Variants in ARHGEF28 observed in about 807,000 individuals in gnomAD.
ARHGEF28 encodes Rho guanine nucleotide exchange factor 28.
ARHGEF28 carries 152 observed loss-of-function variants against 206.6 expected under a neutral mutation model. The ratio of observed to expected loss-of-function variants is 0.74; its 90% CI spans 0.64 to 0.84. The LOEUF is 0.84. ARHGEF28 is among the 40% of genes least tolerant of loss of function. The pLI is 0.00. For synonymous variants in ARHGEF28, 763 were observed against 776.4 expected (o/e 0.98, Z 0.29); for missense variants, 2,028 against 2,073.2 (o/e 0.98, Z 0.42).
At chr5:73,782,432 C>G (rs1008534630) in intron 7 of ARHGEF28, among the ~76,000 whole-genome samples, 3 of 152,022 alleles carry the variant, frequency 2.0e-5, no homozygotes, top group Middle Eastern at 3.4e-3. Context: ...AGTGAGACTC[C>G]ATCTCAAAAA....
At chr5:73,917,839 T>C (rs1321787049) in intron 35 of ARHGEF28, among the ~76,000 whole-genome samples, 2 of 152,126 alleles carry the variant, frequency 1.3e-5, no homozygotes, top group Non-Finnish European at 2.9e-5. Context: ...CACACACACA[T>C]GGTCTATGGG....
intron 1 of ARHGEF28, among the ~76,000 whole-genome samples, chr5:73,680,508 A>G (rs1478145625): frequency 6.9e-6 from 1 of 144,560 alleles, no homozygotes; most frequent in Non-Finnish European, 1.5e-5. Flanking sequence ...ACTTAAAATG[A>G]TGGGTTTTGG....
intron 9 of ARHGEF28, among the ~76,000 whole-genome samples, chr5:73,806,258 A>G (rs1371003328): frequency 1.4e-5 from 2 of 138,928 alleles, no homozygotes; most frequent in African/African-American, 5.4e-5. Flanking sequence ...ATATCGATAT[A>G]TAGTATATAT....
At chr5:73,813,592 G>A in intron 9 of ARHGEF28, 1 of 1,535,710 alleles carries the variant, frequency 6.5e-7, no homozygotes, top group Non-Finnish European at 8.7e-7. Flanking sequence ...CAAAAAGATG[G>A]ATTCTGACTC....
At chr5:73,819,426 A>G (rs1221787488) in intron 9 of ARHGEF28, among the ~76,000 whole-genome samples, 1 of 152,218 alleles carries the variant, frequency 6.6e-6, no homozygotes, top group Non-Finnish European at 1.5e-5. Flanking sequence ...TGCCTGGGTC[A>G]CAATGATTGG....
intron 2 of ARHGEF28, among the ~76,000 whole-genome samples, chr5:73,714,551 A>G (rs1446122638): frequency 6.6e-6 from 1 of 152,180 alleles, no homozygotes; most frequent in Non-Finnish European, 1.5e-5. Flanking sequence ...TTCTGAGGAC[A>G]TCCTGTGTTT....
At chr5:73,701,734 TTTTA>T (rs1748617393) in intron 2 of ARHGEF28, among the ~76,000 whole-genome samples, 1 of 152,202 alleles carries the variant, frequency 6.6e-6, no homozygotes, top group Non-Finnish European at 1.5e-5. Context: ...GGGACTGCCT[TTTTA>T]ATCACTCAGC....
At chr5:73,664,788 A>G (rs577506767) in intron 1 of ARHGEF28, among the ~76,000 whole-genome samples, 17 of 152,304 alleles carry the variant, frequency 1.1e-4, no homozygotes, top group East Asian at 5.8e-4. Context: ...CAGATCAAAA[A>G]TCTTTCTTTC....
chr5:73,670,214 G>A lies in ARHGEF28; in HGVS notation c.-11-14627G>A, dbSNP rs565027771. Among the ~76,000 whole-genome samples the A allele has an allele frequency of 7.6e-4, 116 of 152,046 alleles. 1 individual carries two copies. The highest frequency in any genetic ancestry group is 2.4e-3 in the African/African-American group (100 of 41,472). Reference sequence around the variant, plus strand: ...TGTCTTCCGTATCTATAAATTTTTCGTTTAAAAATATTATATATATGGAAT... The same window carrying A: ...TGTCTTCCGTATCTATAAATTTTTCATTTAAAAATATTATATATATGGAAT... On this transcript the variant is annotated intron_variant, in intron 1 of 35. Coordinates refer to ENST00000513042, the MANE Select transcript of ARHGEF28 (RefSeq NM_001177693.2).
intron 11 of ARHGEF28, among the ~76,000 whole-genome samples, chr5:73,845,529 A>G (rs1758280134): frequency 6.6e-6 from 1 of 152,050 alleles, no homozygotes; most frequent in African/African-American, 2.4e-5. Context: ...GTCACATGCA[A>G]ATCCCCCCCA....
At chr5:73,920,672 T>A (rs898354293) in intron 35 of ARHGEF28, among the ~76,000 whole-genome samples, 9 of 148,118 alleles carry the variant, frequency 6.1e-5, no homozygotes, top group Non-Finnish European at 1.4e-4. Flanking sequence ...GCCTCAGCCG[T>A]CATCTAGGTT....
rs761118015 is a variant in ARHGEF28 at position 73,882,575 on chromosome 5, A to T, written c.2918A>T (p.Lys973Met). 6.7e-7 allele frequency: 1 copy of T among 1,500,204 alleles called. No individual in the cohort carries two copies. Among genetic ancestry groups the T allele is most frequent in the African/African-American group, 1.4e-5 (1 of 70,416 alleles). 92.9% of individuals were successfully genotyped at this position (1,500,204 alleles called of 1,614,324 possible). Residue 973 changes from lysine to methionine, a missense_variant, in exon 23 of 36, where the codon AAG becomes ATG. Lys to Met is a moderately conservative substitution (Grantham distance 95, BLOSUM62 -1). This residue lies in a region of ARHGEF28 where 223 missense variants were observed against 289.9 expected (regional missense o/e 0.77). Coordinates refer to ENST00000513042, the MANE Select transcript of ARHGEF28 (RefSeq NM_001177693.2). Reference protein sequence around the residue: ...NLFKELQQNKKFQNFIKLRNS... With the variant: ...NLFKELQQNKMFQNFIKLRNS... ...TTTAAAGAACTCCAGCAGAATAAAA[A>T]GTTTCAGAATTTTATTAAGGCAAGT...
chr5:73,828,489 C>T (rs929338017), intron 9 of ARHGEF28, among the ~76,000 whole-genome samples: 1 of 151,920 alleles, frequency 6.6e-6, no homozygotes, highest in African/African-American at 2.4e-5. Flanking sequence ...GGATTATGCT[C>T]TTGCACACCT....
chr5:73,872,434 C>G lies in ARHGEF28; in HGVS notation c.2567-565C>G, dbSNP rs146513035. ...TACAAATATTTTCTCCCATTCTGTG[C>G]GTTTTCTTTTCACTTTCTTGATGAT... is the stretch of plus-strand genomic sequence containing the variant. On this transcript the variant is annotated intron_variant, in intron 21 of 35. Coordinates refer to ENST00000513042, the MANE Select transcript of ARHGEF28 (RefSeq NM_001177693.2). Among the ~76,000 whole-genome samples the G allele has an allele frequency of 2.0e-5, 3 of 151,630 alleles. No homozygotes were observed. The South Asian group carries it at 6.3e-4, about 32-fold the overall frequency.
At chr5:73,700,900 A>G (rs1387441312) in intron 2 of ARHGEF28, among the ~76,000 whole-genome samples, 2 of 152,232 alleles carry the variant, frequency 1.3e-5, no homozygotes, top group Non-Finnish European at 2.9e-5. Context: ...GAGTTGAGAC[A>G]AGAATATCCC....
intron 4 of ARHGEF28, 126 bp from the exon 5 acceptor site, chr5:73,773,728 GC>G: frequency 1.0e-6 from 1 of 960,780 alleles, no homozygotes; most frequent in East Asian, 2.7e-5. Flanking sequence ...GTGATTGGGT[GC>G]CATTGTTAAT....
intron 4 of ARHGEF28, among the ~76,000 whole-genome samples, chr5:73,771,112 A>G (rs1753196515): frequency 6.6e-6 from 1 of 152,246 alleles, no homozygotes; most frequent in South Asian, 2.1e-4. Flanking sequence ...TCCTTTACCA[A>G]TGGTATAATT....
At chr5:73,828,271 C>T (rs1158201163) in intron 9 of ARHGEF28, among the ~76,000 whole-genome samples, 1 of 152,112 alleles carries the variant, frequency 6.6e-6, no homozygotes, top group East Asian at 1.9e-4. Context: ...GAGTGGTGGT[C>T]CTGTTAGTCT....
chr5:73,730,329 A>G (rs937429170), intron 2 of ARHGEF28, among the ~76,000 whole-genome samples: 2 of 152,158 alleles, frequency 1.3e-5, no homozygotes, highest in Non-Finnish European at 2.9e-5. Flanking sequence ...AGGTGCTCGC[A>G]AGGCTAGGAG....
Sources: allele counts gnomAD v4.1 joint callset (sites outside exome capture counted in the v4.1 genomes callset), GRCh38; gene constraint gnomAD v4.1.1; regional missense constraint gnomAD v4.1.1; transcripts MANE v1.5; gene names NCBI Gene and HGNC (gene_info 2026-07-23, HGNC 2026-07-21).